Variants in PTPRH observed in about 807,000 individuals in gnomAD.
PTPRH encodes the protein receptor-type tyrosine-protein phosphatase H.
In PTPRH, 113 loss-of-function variants were observed where a neutral mutation model predicts 130.2. That is an observed-to-expected ratio of 0.87 (90% CI 0.75 to 1.01). The LOEUF is 1.01. PTPRH is among the 50% of genes least tolerant of loss of function. The probability of loss-of-function intolerance (pLI) is 0.00; values close to 1 mark genes in which losing one functional copy is unlikely to be tolerated. For missense variants in PTPRH, 1,430 were observed against 1,425.0 expected (o/e 1.00, Z -0.06); for synonymous variants, 556 against 577.9 (o/e 0.96, Z 0.54).
At chr19:55,203,736 C>G in intron 5 of PTPRH, 46 bp downstream of exon 5, 2 of 1,562,812 alleles carry the variant, frequency 1.3e-6, no homozygotes, top group Non-Finnish European at 8.7e-7. Context: ...CCCCCTACCA[C>G]TGTCCTTATA....
At position 55,182,009 on chromosome 19, in the gene PTPRH, G is replaced by A; in HGVS notation, c.3198+7C>T. 6.2e-7 allele frequency: 1 copy of A among 1,614,068 alleles called. No individual in the cohort carries two copies. The highest frequency in any genetic ancestry group is 8.5e-7 in the Non-Finnish European group (1 of 1,179,986). On this transcript the variant is annotated splice_region_variant and intron_variant, in intron 19 of 19. Transcript: ENST00000376350. ...TCCCGTCCTGTGTTGCTGAGGGACT[G>A]CCTCACCTCAGTCTGCACCATCAAC...
Position 55,203,935 on chromosome 19 carries a change from A to C in PTPRH, c.733T>G (p.Cys245Gly), listed in dbSNP as rs773857354. Reference sequence around the variant, plus strand: ...TCTGTTCTGCCACCATCTCCAGTGCACTGAACGCAGTAGGTCGAGTTCTGT... The same window carrying C: ...TCTGTTCTGCCACCATCTCCAGTGCCCTGAACGCAGTAGGTCGAGTTCTGT... ...DPQNSTYCVQ[C>G]TGDGGRTETR... The change falls in exon 5 of 20, where the codon TGC becomes GGC. Residue 245 changes from cysteine to glycine, a missense_variant. Coordinates refer to ENST00000376350, the MANE Select transcript of PTPRH (RefSeq NM_002842.5). The C allele has an allele frequency of 6.2e-7, 1 of 1,614,014 alleles. No homozygotes were observed. The highest frequency in any genetic ancestry group is 8.5e-7 in the Non-Finnish European group (1 of 1,180,038).
intron 3 of PTPRH, among the ~76,000 whole-genome samples, chr19:55,206,247 T>A (rs983357134): frequency 6.6e-6 from 1 of 151,070 alleles, no homozygotes; most frequent in Admixed American, 6.6e-5. Context: ...AAAAAAAAAA[T>A]TGTATCTGAT....
At position 55,203,281 on chromosome 19, in the gene PTPRH, T is replaced by C. The variant is rs907755368; in HGVS notation, c.886+501A>G. 6.8e-4 allele frequency among the ~76,000 whole-genome samples: 95 copies of C among 140,086 alleles called. 1 individual carries two copies. Among genetic ancestry groups the C allele is most frequent in the Non-Finnish European group, 8.1e-4 (53 of 65,788 alleles). 91.9% of individuals were successfully genotyped at this position (140,086 alleles called of 152,430 possible). ...GGCAGAGCTTGCAGTGAGCCAAGAT[T>C]GCGCCACTGCACTCCAGCCTGGGCG... is the stretch of plus-strand genomic sequence containing the variant. On this transcript the variant is annotated intron_variant, in intron 5 of 19. Coordinates refer to ENST00000376350, the MANE Select transcript of PTPRH (RefSeq NM_002842.5).
chr19:55,204,191 C>G, intron 4 of PTPRH, 143 bp from the exon 5 acceptor site: 7 of 921,148 alleles, frequency 7.6e-6, no homozygotes, highest in Non-Finnish European at 1.1e-5. Context: ...ACGATCTCGG[C>G]TCACCACAGC....
intron 17 of PTPRH, 62 bp downstream of exon 17, chr19:55,185,800 T>C: frequency 6.2e-7 from 1 of 1,612,168 alleles, no homozygotes; most frequent in Non-Finnish European, 8.5e-7. Flanking sequence ...TGGAGGGTCC[T>C]GGATGCATGG....
rs1568890384 is a variant in PTPRH at position 55,185,636 on chromosome 19, C to A, written c.2928G>T (p.Val976=). ...GCCAGGCCTGGTAGTGGAATTGGCG[C>A]ACAGACAGTGTCTTCTGCTCCTCCA... ...LQVEEQKTLS[V]RQFHYQAWPD... Residue 976 remains valine (V), a synonymous_variant, in exon 18 of 20, where the codon GTG becomes GTT. Coordinates refer to ENST00000376350, the MANE Select transcript of PTPRH (RefSeq NM_002842.5). The A allele has an allele frequency of 6.2e-7, 1 of 1,614,176 alleles. No individual in the cohort carries two copies. Among genetic ancestry groups the A allele is most frequent in the Non-Finnish European group, 8.5e-7 (1 of 1,180,016 alleles).
chr19:55,201,044 C>A (rs1188289515), intron 6 of PTPRH, among the ~76,000 whole-genome samples: 1 of 152,086 alleles, frequency 6.6e-6, no homozygotes, highest in Non-Finnish European at 1.5e-5. Flanking sequence ...AAAGGTGAAG[C>A]CTTTATGCCT....
At chr19:55,185,370 T>C in intron 18 of PTPRH, 132 bp downstream of exon 18, 1 of 976,092 alleles carries the variant, frequency 1.0e-6, no homozygotes, top group Non-Finnish European at 1.5e-6. Flanking sequence ...CCCCCCTTTA[T>C]CTTCCACATC....
At chr19:55,202,359 T>TG in intron 5 of PTPRH, 37 bp from the exon 6 acceptor site, 4 of 1,608,984 alleles carry the variant, frequency 2.5e-6, no homozygotes, top group African/African-American at 1.3e-5. Context: ...CAGTTGTAGT[T>TG]TCTGGCCCTC....
intron 10 of PTPRH, chr19:55,194,379 G>A: frequency 8.3e-7 from 1 of 1,198,742 alleles, no homozygotes; most frequent in South Asian, 1.5e-5. Flanking sequence ...GAATGGACTT[G>A]GCCTCACAGA....
At chr19:55,188,017 G>T in intron 13 of PTPRH, 61 bp downstream of exon 13, 1 of 1,056,760 alleles carries the variant, frequency 9.5e-7, no homozygotes, top group Non-Finnish European at 1.4e-6. Flanking sequence ...CCAGGGGGTG[G>T]GGGGTGGGGG....
rs1305414608 is a variant in PTPRH at position 55,181,706 on chromosome 19, G to T, written c.*48C>A. 1.2e-6 allele frequency: 2 copies of T among 1,610,512 alleles called. No homozygotes were observed. The highest frequency in any genetic ancestry group is 1.1e-5 in the South Asian group (1 of 90,844). ...TCCAGGAATCTGGGCTCAAGTGGGT[G>T]TCCAGAGCTTGAGGATGCCTGGGCT... On this transcript the variant is annotated 3_prime_UTR_variant, in exon 20 of 20. Coordinates refer to ENST00000376350, the MANE Select transcript of PTPRH (RefSeq NM_002842.5).
intron 18 of PTPRH, among the ~76,000 whole-genome samples, chr19:55,184,534 A>C (rs1599965494): frequency 6.6e-6 from 1 of 152,126 alleles, no homozygotes; most frequent in East Asian, 1.9e-4. Context: ...CACGCCTGTC[A>C]TCTCAGCACT....
At chr19:55,203,194 GTGT>G (rs1306765033) in intron 5 of PTPRH, among the ~76,000 whole-genome samples, 4 of 151,632 alleles carry the variant, frequency 2.6e-5, no homozygotes, top group Non-Finnish European at 5.9e-5. Context: ...AGGTGTGGCG[GTGT>G]GCGCCTGTAG....
rs756566104 is a variant in PTPRH at position 55,202,041 on chromosome 19, G to A, written c.1153+15C>T. ...AAACAAATAAGAGATCAAACAAATG[G>A]CGACTGCCTCTCACCTGTGGTGGCA... On this transcript the variant is annotated intron_variant, in intron 6 of 19. Coordinates refer to ENST00000376350, the MANE Select transcript of PTPRH (RefSeq NM_002842.5). 1 of 1,612,986 alleles carries A rather than the reference G, an allele frequency of 6.2e-7. No homozygotes were observed. The highest frequency in any genetic ancestry group is 1.1e-5 in the South Asian group (1 of 91,000).
chr19:55,182,459 G>A (rs765807793), intron 18 of PTPRH, among the ~76,000 whole-genome samples: 3 of 152,172 alleles, frequency 2.0e-5, no homozygotes, highest in Non-Finnish European at 4.4e-5. Flanking sequence ...GGAGGTGGAG[G>A]TTGCAGTGAG....
intron 10 of PTPRH, among the ~76,000 whole-genome samples, chr19:55,196,150 G>T (rs1022378453): frequency 6.6e-6 from 1 of 152,164 alleles, no homozygotes; most frequent in Non-Finnish European, 1.5e-5. Flanking sequence ...CACTTTGGGA[G>T]CCTGAGGCAG....
intron 10 of PTPRH, 128 bp from the exon 11 acceptor site, chr19:55,191,869 C>CG (rs11394932): frequency 0.19 from 155,679 of 833,722 alleles, 19,058 homozygotes; most frequent in Admixed American, 0.42. Context: ...GAACATCACA[C>CG]GGTGTGAATT....
Sources: gnomAD v4.1 joint callset for allele counts (sites outside exome capture counted in the v4.1 genomes callset) on GRCh38, gnomAD v4.1.1 for gene constraint, MANE v1.5 for transcripts, NCBI Gene and HGNC (gene_info 2026-07-23, HGNC 2026-07-21) for gene names.